Variants in GLIS3 observed in about 807,000 individuals in gnomAD.
GLIS3 encodes the protein GLIS family zinc finger 3.
In GLIS3, 53 loss-of-function variants were observed where a neutral mutation model predicts 78.6. The observed-to-expected ratio is 0.67, with a 90% CI of 0.54 to 0.85. The LOEUF (loss-of-function observed/expected upper bound fraction) is 0.85, where lower values mean the gene tolerates loss of function less well. Ranked by LOEUF, GLIS3 falls within the 40% of genes least tolerant of loss-of-function variation. The pLI, the probability that GLIS3 is intolerant of heterozygous loss-of-function variation, is 0.00. For missense variants in GLIS3, 1,703 were observed against 1,231.1 expected, an observed-to-expected ratio of 1.38 and a Z score of -5.74; for synonymous variants, 684 against 509.9, an observed-to-expected ratio of 1.34 and a Z score of -4.60.
At chr9:4,418,947 A>G in the GLIS3 span, among the ~76,000 whole-genome samples, 18 of 152,210 alleles carry the variant, frequency 1.2e-4, no homozygotes, top group African/African-American at 4.3e-4. Context: ...TGTGAAGTGC[A>G]ATCAACTCAA....
At chr9:4,007,056 A>T (rs1821605577) in intron 4 of GLIS3, among the ~76,000 whole-genome samples, 1 of 152,226 alleles carries the variant, frequency 6.6e-6, no homozygotes, top group African/African-American at 2.4e-5. Context: ...ATTCTTGTTT[A>T]CAAGGAATAA....
chr9:4,315,046 C>T (rs1817417496), intron 2 of GLIS3, among the ~76,000 whole-genome samples: 1 of 152,200 alleles, frequency 6.6e-6, no homozygotes, highest in Non-Finnish European at 1.5e-5. Context: ...CCCTTGTGGT[C>T]CTTCCACTCT....
At chr9:4,229,426 G>A (rs1360665901) in intron 2 of GLIS3, among the ~76,000 whole-genome samples, 1 of 152,206 alleles carries the variant, frequency 6.6e-6, no homozygotes, top group Non-Finnish European at 1.5e-5. Flanking sequence ...CAGAGTTCTG[G>A]ATCTGAGCAA....
At chr9:4,362,085 G>C in the GLIS3 span, among the ~76,000 whole-genome samples, 4 of 152,202 alleles carry the variant, frequency 2.6e-5, no homozygotes, top group African/African-American at 9.7e-5. Flanking sequence ...GATCACTAAA[G>C]GGTGCTCACC....
the GLIS3 span, among the ~76,000 whole-genome samples, chr9:4,363,865 G>C: frequency 6.6e-6 from 1 of 152,212 alleles, no homozygotes; most frequent in East Asian, 1.9e-4. Context: ...TTAATGAGCT[G>C]GGTCACAACT....
At chr9:4,469,311 A>T in the GLIS3 span, among the ~76,000 whole-genome samples, 178 of 152,230 alleles carry the variant, frequency 1.2e-3, no homozygotes, top group Non-Finnish European at 1.8e-3. Context: ...AGAACCCTCC[A>T]CCCCAAATCA....
At chr9:3,926,994 C>T (rs1825302215) in intron 6 of GLIS3, among the ~76,000 whole-genome samples, 1 of 152,210 alleles carries the variant, frequency 6.6e-6, no homozygotes, top group East Asian at 1.9e-4. Flanking sequence ...GAGGCCTTTC[C>T]TGCCCATCTC....
intron 2 of GLIS3, among the ~76,000 whole-genome samples, chr9:4,270,888 GGTGTGTGTGTGTGT>G (rs148679668): frequency 0.17 from 25,327 of 146,814 alleles, 2,417 homozygotes; most frequent in East Asian, 0.24. Flanking sequence ...CAATCTGTGT[GGTGTGTGTGTGTGT>G]GTGTGTGTGT....
At chr9:4,218,372 G>A (rs369396981) in intron 2 of GLIS3, among the ~76,000 whole-genome samples, 7 of 151,782 alleles carry the variant, frequency 4.6e-5, no homozygotes, top group South Asian at 2.1e-4. Context: ...TCTGCCTCCC[G>A]GGTTCACGCC....
chr9:4,037,535 G>C (rs1201963475), intron 4 of GLIS3, among the ~76,000 whole-genome samples: 1 of 131,850 alleles, frequency 7.6e-6, no homozygotes, highest in Non-Finnish European at 1.6e-5. Context: ...GTGGGCAGAT[G>C]TGTGTGCACA....
At position 4,103,375 on chromosome 9, in the gene GLIS3, T is replaced by C. The variant is rs1830517196; in HGVS notation, c.1710+14393A>G. Among the ~76,000 whole-genome samples, 3 of 152,102 alleles carry C rather than the reference T, an allele frequency of 2.0e-5. No individual in the cohort carries two copies. The South Asian group carries it at 6.2e-4, about 32-fold the overall frequency. ...TTCATATTGTTTCTCATCAATACCA[T>C]GGAGACATTACCAGAGCAGGCACTC... On this transcript the variant is annotated intron_variant, in intron 4 of 10. Coordinates refer to ENST00000381971, the MANE Select transcript of GLIS3 (RefSeq NM_001042413.2).
At chr9:4,058,781 C>T (rs1826363343) in intron 4 of GLIS3, among the ~76,000 whole-genome samples, 1 of 152,004 alleles carries the variant, frequency 6.6e-6, no homozygotes, top group African/African-American at 2.4e-5. Context: ...GAGATCGAGA[C>T]CATCCTGGCT....
At chr9:4,432,166 T>C in the GLIS3 span, among the ~76,000 whole-genome samples, 1 of 152,190 alleles carries the variant, frequency 6.6e-6, no homozygotes, top group African/African-American at 2.4e-5. Context: ...AATTTCATGA[T>C]GATTATGCTA....
the GLIS3 span, among the ~76,000 whole-genome samples, chr9:4,436,755 G>T: frequency 3.0e-5 from 4 of 134,296 alleles, no homozygotes; most frequent in Non-Finnish European, 6.1e-5. Context: ...GCAGTGAGCC[G>T]AGATTGCACC....
At chr9:3,846,820 G>A (rs1819077958) in intron 9 of GLIS3, among the ~76,000 whole-genome samples, 1 of 152,192 alleles carries the variant, frequency 6.6e-6, no homozygotes, top group South Asian at 2.1e-4. Flanking sequence ...CAATGTGTAA[G>A]TGAATTGTTA....
intron 2 of GLIS3, among the ~76,000 whole-genome samples, chr9:4,228,358 A>G (rs543510728): frequency 6.6e-6 from 1 of 152,190 alleles, no homozygotes; most frequent in Non-Finnish European, 1.5e-5. Flanking sequence ...GGGGCTGTCC[A>G]TGCGAATGTA....
At chr9:3,981,177 A>G (rs1349351371) in intron 4 of GLIS3, among the ~76,000 whole-genome samples, 1 of 152,228 alleles carries the variant, frequency 6.6e-6, no homozygotes, top group Non-Finnish European at 1.5e-5. Flanking sequence ...CTCTGTGCTC[A>G]GCCCTCTACT....
At chr9:4,440,947 TC>T in the GLIS3 span, among the ~76,000 whole-genome samples, 1 of 152,146 alleles carries the variant, frequency 6.6e-6, no homozygotes, top group Non-Finnish European at 1.5e-5. Flanking sequence ...AATTTTTTTT[TC>T]AGATAGTTTG....
rs537346038 is a variant in GLIS3 at position 4,182,305 on chromosome 9, G to A, written c.389-56364C>T. Among the ~76,000 whole-genome samples the A allele has an allele frequency of 2.1e-3, 318 of 152,252 alleles. 1 individual carries two copies. The highest frequency in any genetic ancestry group is 3.6e-3 in the Non-Finnish European group (244 of 68,012). On this transcript the variant is annotated intron_variant, in intron 2 of 10. Transcript: ENST00000381971. ...GATGGGGCATGTATTCTTCAGTTCTGCCACAGTCCTCATCACTCTACAGTG... is the reference window on the plus strand; with the variant it reads ...GATGGGGCATGTATTCTTCAGTTCTACCACAGTCCTCATCACTCTACAGTG...
Sources: gnomAD v4.1 joint callset for allele counts (sites outside exome capture counted in the v4.1 genomes callset) on GRCh38, gnomAD v4.1.1 for gene constraint, MANE v1.5 for transcripts, NCBI Gene and HGNC (gene_info 2026-07-23, HGNC 2026-07-21) for gene names.